The following EYS variants were observed in gnomAD, a reference collection of about 807,000 sequenced individuals.
The protein encoded by EYS is protein eyes shut homolog.
A neutral mutation model predicts 282.1 loss-of-function variants in EYS; 250 were observed. The ratio of observed to expected loss-of-function variants is 0.89; its 90% confidence interval spans 0.80 to 0.98. The LOEUF (loss-of-function observed/expected upper bound fraction) is 0.98, where lower values mean the gene tolerates loss of function less well. Among genes scored for constraint, EYS ranks in the 50% least tolerant of loss-of-function variants. The probability of loss-of-function intolerance (pLI) is 0.00; values close to 1 mark genes in which losing one functional copy is unlikely to be tolerated. For synonymous variants in EYS, 1,355 were observed against 1,282.9 expected (o/e 1.06, Z -1.20); for missense variants, 4,016 against 3,709.0 (o/e 1.08, Z -2.15).
intron 1 of EYS, among the ~76,000 whole-genome samples, chr6:65,678,148 TG>T (rs1212229869): frequency 6.6e-6 from 1 of 151,910 alleles, no homozygotes; most frequent in Non-Finnish European, 1.5e-5. Flanking sequence ...CAAGGGGATG[TG>T]GGGTACCACG....
intron 33 of EYS, among the ~76,000 whole-genome samples, chr6:64,056,935 G>A (rs1278313608): frequency 2.6e-5 from 4 of 152,090 alleles, no homozygotes; most frequent in Non-Finnish European, 5.9e-5. Context: ...GTCTTTGAAG[G>A]GCAGGATGGA....
chr6:64,547,833 A>G (rs1455101317), intron 26 of EYS, among the ~76,000 whole-genome samples: 1 of 152,184 alleles, frequency 6.6e-6, no homozygotes, highest in Non-Finnish European at 1.5e-5. Flanking sequence ...GGGGAGGCTC[A>G]GGCATGGCGG....
intron 7 of EYS, among the ~76,000 whole-genome samples, chr6:65,397,368 C>G (rs1380737092): frequency 2.0e-5 from 3 of 151,976 alleles, no homozygotes; most frequent in Non-Finnish European, 4.4e-5. Context: ...CTTACACCCT[C>G]TCCCACCATC....
chr6:63,960,232 C>T (rs546412046), intron 35 of EYS, among the ~76,000 whole-genome samples: 2 of 152,186 alleles, frequency 1.3e-5, no homozygotes, highest in Admixed American at 6.5e-5. Flanking sequence ...ATGTGGATGA[C>T]TTTGAGGGTT....
chr6:64,335,704 G>T (rs957387668), intron 29 of EYS, among the ~76,000 whole-genome samples: 2 of 152,034 alleles, frequency 1.3e-5, no homozygotes, highest in Admixed American at 6.6e-5. Context: ...ACAAAGGAAA[G>T]AATCTTAAGA....
chr6:65,659,556 G>A lies in EYS; in HGVS notation c.-447-19664C>T, dbSNP rs78295927. Among the ~76,000 whole-genome samples the A allele has an allele frequency of 2.1e-4, 32 of 151,658 alleles. 1 individual carries two copies. The East Asian group carries it at 5.6e-3, about 27-fold the overall frequency. ...TACTGGAGTATATATACTGTTCCTG[G>A]TCAATTTTTAGAAACACCTGAGCTG... On this transcript the variant is annotated intron_variant, in intron 1 of 42. Coordinates refer to ENST00000503581, the MANE Select transcript of EYS (RefSeq NM_001142800.2).
chr6:64,787,176 C>T (rs1340022804), intron 22 of EYS, among the ~76,000 whole-genome samples: 1 of 152,134 alleles, frequency 6.6e-6, no homozygotes, highest in African/African-American at 2.4e-5. Flanking sequence ...ATCTAGACTC[C>T]GTGTGCTCAG....
intron 24 of EYS, among the ~76,000 whole-genome samples, chr6:64,602,447 G>C (rs1418893439): frequency 6.6e-6 from 1 of 151,986 alleles, no homozygotes; most frequent in Non-Finnish European, 1.5e-5. Flanking sequence ...TGAGCTACAA[G>C]AGTCATCAAC....
At chr6:64,728,631 A>G (rs1005972734) in intron 22 of EYS, among the ~76,000 whole-genome samples, 2 of 152,084 alleles carry the variant, frequency 1.3e-5, no homozygotes, top group Non-Finnish European at 2.9e-5. Context: ...CACCGCGACC[A>G]GCCATGTTAC....
chr6:64,648,672 CA>C (rs1181901805), intron 22 of EYS, among the ~76,000 whole-genome samples: 2 of 152,016 alleles, frequency 1.3e-5, no homozygotes, highest in African/African-American at 4.8e-5. Context: ...GATTTATAAT[CA>C]TCAAAAAGTA....
intron 29 of EYS, among the ~76,000 whole-genome samples, chr6:64,326,439 TA>T (rs1275859359): frequency 6.6e-6 from 1 of 152,240 alleles, no homozygotes. Context: ...CTTCCTTCTG[TA>T]ACTTGCTTCC....
intron 41 of EYS, among the ~76,000 whole-genome samples, chr6:63,740,640 A>T (rs1174169567): frequency 6.6e-6 from 1 of 152,214 alleles, no homozygotes; most frequent in East Asian, 1.9e-4. Flanking sequence ...TAAGGGATGG[A>T]TCTATTTTAA....
At chr6:65,523,279 TA>T (rs1443554999) in intron 2 of EYS, among the ~76,000 whole-genome samples, 1 of 151,970 alleles carries the variant, frequency 6.6e-6, no homozygotes, top group Non-Finnish European at 1.5e-5. Flanking sequence ...ATGTGACAGT[TA>T]AAAAAATAAA....
At chr6:64,051,921 A>G (rs2149844771) in intron 33 of EYS, among the ~76,000 whole-genome samples, 1 of 152,282 alleles carries the variant, frequency 6.6e-6, no homozygotes, top group South Asian at 2.1e-4. Context: ...AGATGGGTGC[A>G]GGGGAAAGAG....
chr6:65,700,114 C>CAAAAAAAA (rs1178482636), intron 1 of EYS, among the ~76,000 whole-genome samples: 540 of 51,790 alleles, frequency 0.01, 46 homozygotes, highest in East Asian at 0.063. Flanking sequence ...GACTCCGTCT[C>CAAAAAAAA]AAAAAAAAAA....
chr6:65,482,290 C>A (rs552789834), intron 5 of EYS, among the ~76,000 whole-genome samples: 6 of 152,230 alleles, frequency 3.9e-5, no homozygotes, highest in African/African-American at 1.4e-4. Flanking sequence ...CATAAATTAT[C>A]ATTCCAAATT....
intron 22 of EYS, among the ~76,000 whole-genome samples, chr6:64,766,900 A>G (rs1468381661): frequency 4.0e-5 from 6 of 151,478 alleles, no homozygotes. Context: ...ATTTGTTTAT[A>G]GTGAAAAAGC....
At chr6:64,217,104 C>T (rs1424395533) in intron 31 of EYS, among the ~76,000 whole-genome samples, 1 of 152,074 alleles carries the variant, frequency 6.6e-6, no homozygotes, top group African/African-American at 2.4e-5. Flanking sequence ...AATGTAAACA[C>T]CATGTGACTT....
intron 28 of EYS, among the ~76,000 whole-genome samples, chr6:64,417,585 A>G (rs1343504993): frequency 1.3e-5 from 2 of 152,026 alleles, no homozygotes; most frequent in Non-Finnish European, 1.5e-5. Context: ...TTAGTTGCAT[A>G]CTAGTTATTA....
Sources: gnomAD v4.1 joint callset for allele counts (sites outside exome capture counted in the v4.1 genomes callset) on GRCh38, gnomAD v4.1.1 for gene constraint, MANE v1.5 for transcripts, NCBI Gene and HGNC (gene_info 2026-07-23, HGNC 2026-07-21) for gene names.